Variants in SPATA17 observed in about 807,000 individuals in gnomAD.
The protein encoded by SPATA17 is spermatogenesis-associated protein 17.
Under a neutral mutation model 62.2 loss-of-function variants are expected in SPATA17, and 53 were observed. The observed-to-expected ratio is 0.85, with a 90% CI of 0.68 to 1.07. The LOEUF (loss-of-function observed/expected upper bound fraction) is 1.07, where lower values mean the gene tolerates loss of function less well. Ranked by LOEUF, SPATA17 falls within the 50% of genes least tolerant of loss-of-function variation. SPATA17 has a pLI of 0.00. For synonymous variants in SPATA17, 146 were observed against 146.8 expected (o/e 0.99, Z 0.04); for missense variants, 466 against 425.5 (o/e 1.10, Z -0.84).
rs547368700 is a variant in SPATA17, at chr1:217,857,625, C to T, written c.1006-5149C>T. Among the ~76,000 whole-genome samples the T allele has an allele frequency of 1.1e-4, 16 of 152,224 alleles. No individual in the cohort carries two copies. The East Asian group carries it at 2.1e-3, about 20-fold the overall frequency. The stretch of plus-strand genomic sequence containing the variant: ...TCTTGAGCTCATAGTTTCCCATGAT[C>T]GGATGACATGTTTTATCATATCAGA... On this transcript the variant is annotated intron_variant, in intron 9 of 10. Coordinates refer to ENST00000366933, the MANE Select transcript of SPATA17 (RefSeq NM_138796.4).
Position 217,860,565 on chromosome 1 carries a change from A to T in SPATA17, c.1006-2209A>T, listed in dbSNP as rs142709910. On this transcript the variant is annotated intron_variant, in intron 9 of 10. Coordinates refer to ENST00000366933, the MANE Select transcript of SPATA17 (RefSeq NM_138796.4). Reference sequence around the variant, plus strand: ...TTTGCCTCATAGATTTTCACACTCTATTGCTAGGCACTTTATTACTATATA... The same window carrying T: ...TTTGCCTCATAGATTTTCACACTCTTTTGCTAGGCACTTTATTACTATATA... Among the ~76,000 whole-genome samples, 824 of 152,242 alleles carry T rather than the reference A, an allele frequency of 5.4e-3. 8 individuals carry two copies. Among genetic ancestry groups the T allele is most frequent in the Non-Finnish European group, 9.2e-3 (624 of 68,006 alleles).
chr1:217,853,159 A>G (rs1240877574), intron 9 of SPATA17, among the ~76,000 whole-genome samples: 5 of 152,198 alleles, frequency 3.3e-5, no homozygotes, highest in African/African-American at 1.2e-4. Flanking sequence ...AAGAGCAGAA[A>G]GAAATTAGTC....
chr1:217,832,785 A>G (rs1675173545), intron 9 of SPATA17, among the ~76,000 whole-genome samples: 1 of 152,056 alleles, frequency 6.6e-6, no homozygotes, highest in African/African-American at 2.4e-5. Context: ...TCTACAAAAA[A>G]TAGAAAAGTC....
chr1:217,762,063 TCTC>T (rs779234555), intron 6 of SPATA17, among the ~76,000 whole-genome samples: 2 of 152,200 alleles, frequency 1.3e-5, no homozygotes, highest in East Asian at 1.9e-4. Flanking sequence ...GTGTCCTGCT[TCTC>T]CTCCCTCACT....
At chr1:217,642,334 G>A (rs891041119) in intron 1 of SPATA17, among the ~76,000 whole-genome samples, 12 of 151,986 alleles carry the variant, frequency 7.9e-5, no homozygotes, top group African/African-American at 2.9e-4. Context: ...AATAAGTATA[G>A]ACTCATAGTT....
rs562261323 is a variant in SPATA17, at chr1:217,827,290, G to A, written c.1005+25440G>A. The stretch of plus-strand genomic sequence containing the variant: ...GAAGAAGAAACAAATAATTGGAAAG[G>A]TATCCTATGTTTATGCAAAGGAAGA... On this transcript the variant is annotated intron_variant, in intron 9 of 10. Transcript: ENST00000366933. Among the ~76,000 whole-genome samples the A allele has an allele frequency of 3.3e-5, 5 of 152,092 alleles. No individual in the cohort carries two copies. The East Asian group carries it at 9.7e-4, about 29-fold the overall frequency.
intron 3 of SPATA17, among the ~76,000 whole-genome samples, chr1:217,657,814 G>C (rs1003599720): frequency 6.6e-6 from 1 of 152,174 alleles, no homozygotes; most frequent in Admixed American, 6.5e-5. Context: ...TTTTCATGCT[G>C]CTGATAAAAA....
chr1:217,749,969 C>CTATATATATA (rs1369070859), intron 6 of SPATA17, among the ~76,000 whole-genome samples: 2 of 46,942 alleles, frequency 4.3e-5, no homozygotes, highest in Non-Finnish European at 9.7e-5. Flanking sequence ...CTCTCTCTCT[C>CTATATATATA]TCTCTCTCTC....
rs181887846 is a variant in SPATA17, at chr1:217,815,762, C to T, written c.1005+13912C>T. On this transcript the variant is annotated intron_variant, in intron 9 of 10. Transcript: ENST00000366933. ...GGTTCCCAGAGAAGATATTCTTCCT[C>T]AAGACTGCAACATCAATTCCTGTTT... Among the ~76,000 whole-genome samples, 622 of 152,258 alleles carry T rather than the reference C, an allele frequency of 4.1e-3. 4 individuals carry two copies. The highest frequency in any genetic ancestry group is 5.5e-3 in the Non-Finnish European group (371 of 68,008).
At chr1:217,781,315 A>C (rs1673721602) in intron 7 of SPATA17, 1 of 152,192 alleles carries the variant, frequency 6.6e-6, no homozygotes, top group South Asian at 2.1e-4. Context: ...AAGAATAAGG[A>C]ATATGATTAG....
At chr1:217,712,265 T>C (rs1671891161) in intron 5 of SPATA17, among the ~76,000 whole-genome samples, 1 of 151,894 alleles carries the variant, frequency 6.6e-6, no homozygotes, top group African/African-American at 2.4e-5. Context: ...TAGCTGGGAT[T>C]ATAGGCATGT....
intron 9 of SPATA17, among the ~76,000 whole-genome samples, chr1:217,836,352 G>A (rs1353310182): frequency 1.3e-5 from 2 of 151,990 alleles, no homozygotes; most frequent in Non-Finnish European, 2.9e-5. Flanking sequence ...TAATCATTTT[G>A]AAAATAAGAA....
Position 217,651,098 on chromosome 1 carries a change from C to T in SPATA17, c.160C>T (p.His54Tyr). 1 of 1,599,762 alleles carries T rather than the reference C, an allele frequency of 6.3e-7. No individual in the cohort carries two copies. Among genetic ancestry groups the T allele is most frequent in the East Asian group, 2.2e-5 (1 of 44,578 alleles). Reference sequence around the variant, plus strand: ...ATAAGCATATTTTTTTTATCCTAGGCATTTAAACAGGATTGTAACAATTAT... The same window carrying T: ...ATAAGCATATTTTTTTTATCCTAGGTATTTAAACAGGATTGTAACAATTAT... ...RGCQVRAYIR[H>Y]LNRIVTIIQK... The change falls in exon 3 of 11, where the codon CAT becomes TAT. Residue 54 changes from histidine to tyrosine, a missense_variant and splice_region_variant. Physicochemically the swap from His to Tyr is moderately conservative, Grantham distance 83. Coordinates refer to ENST00000366933, the MANE Select transcript of SPATA17 (RefSeq NM_138796.4).
At chr1:217,703,734 G>A (rs1359349061) in intron 5 of SPATA17, among the ~76,000 whole-genome samples, 1 of 152,036 alleles carries the variant, frequency 6.6e-6, no homozygotes, top group Non-Finnish European at 1.5e-5. Context: ...CTATTGACTT[G>A]TCTCTAATCT....
intron 9 of SPATA17, among the ~76,000 whole-genome samples, chr1:217,858,782 C>A (rs749937899): frequency 5.9e-5 from 9 of 152,076 alleles, no homozygotes; most frequent in Non-Finnish European, 1.3e-4. Context: ...GTAATCCCAG[C>A]ACTTTGGGAG....
intron 9 of SPATA17, among the ~76,000 whole-genome samples, chr1:217,833,219 T>C (rs749742063): frequency 1.3e-5 from 2 of 152,176 alleles, no homozygotes; most frequent in African/African-American, 2.4e-5. Flanking sequence ...GTATATCGGC[T>C]ATACATGTTG....
intron 2 of SPATA17, among the ~76,000 whole-genome samples, chr1:217,650,214 C>T (rs1422671171): frequency 6.6e-6 from 1 of 152,046 alleles, no homozygotes; most frequent in African/African-American, 2.4e-5. Flanking sequence ...GCCGGGATAA[C>T]AGGCATGAGC....
At chr1:217,746,556 T>C (rs942106252) in intron 6 of SPATA17, among the ~76,000 whole-genome samples, 29 of 115,032 alleles carry the variant, frequency 2.5e-4, no homozygotes, top group African/African-American at 6.7e-4. Flanking sequence ...TATAAGATTA[T>C]GTGTTTTTAA....
chr1:217,805,173 T>C (rs1209679820), intron 9 of SPATA17, among the ~76,000 whole-genome samples: 2 of 152,188 alleles, frequency 1.3e-5, no homozygotes, highest in East Asian at 3.8e-4. Context: ...ATGTGCTAGA[T>C]GTACACATTG....
Sources: allele counts gnomAD v4.1 joint callset (sites outside exome capture counted in the v4.1 genomes callset), GRCh38; gene constraint gnomAD v4.1.1; transcripts MANE v1.5; gene names NCBI Gene and HGNC (gene_info 2026-07-23, HGNC 2026-07-21).